Variants in ALMS1 observed in about 807,000 individuals in gnomAD.
ALMS1 encodes centrosome-associated protein ALMS1.
ALMS1 carries 271 observed loss-of-function variants against 352.2 expected under a neutral mutation model. That is an observed-to-expected ratio of 0.77 (90% confidence interval 0.70 to 0.85). ALMS1 has a LOEUF of 0.85. Ranked by LOEUF, ALMS1 falls within the 40% of genes least tolerant of loss-of-function variation. The pLI is 0.00. For missense variants in ALMS1, 5,445 were observed against 4,870.7 expected (o/e 1.12, Z -3.51); for synonymous variants, 1,865 against 1,761.2 (o/e 1.06, Z -1.48).
chr2:73,489,867 C>G lies in ALMS1; in HGVS notation c.7908C>G (p.Asn2636Lys). The change falls in exon 10 of 23, where the codon AAC becomes AAG. Residue 2636 changes from asparagine to lysine, a missense_variant. By Grantham distance (94) the Asn-to-Lys change is moderately conservative. Coordinates refer to ENST00000613296, the MANE Select transcript of ALMS1 (RefSeq NM_001378454.1). ...ACCTTTCTGCATCCTTAGACCAGAA[C>G]AACTCCCATTTCAAAGTTTGGAATT... ...HVNLSASLDQ[N>K]NSHFKVWNSL... is the part of the protein sequence containing the mutation. 6.2e-7 allele frequency: 1 copy of G among 1,614,194 alleles called. No homozygotes were observed.
chr2:73,499,985 C>G (rs1422061030), intron 10 of ALMS1, among the ~76,000 whole-genome samples: 1 of 152,192 alleles, frequency 6.6e-6, no homozygotes, highest in Non-Finnish European at 1.5e-5. Flanking sequence ...TCCCATGCTT[C>G]TTACACAGCC....
At chr2:73,468,740 A>G (rs1287822915) in intron 9 of ALMS1, among the ~76,000 whole-genome samples, 6 of 152,020 alleles carry the variant, frequency 3.9e-5, no homozygotes, top group South Asian at 2.1e-4. Context: ...TGTTGTAGAC[A>G]GTATATAGTT....
In ALMS1 at chr2:73,453,903, G is replaced by C. The variant is rs778055498; in HGVS notation, c.7376G>C (p.Ser2459Thr). 1.1e-5 allele frequency: 18 copies of C among 1,614,074 alleles called. No individual in the cohort carries two copies. The highest frequency in any genetic ancestry group is 4.0e-5 in the African/African-American group (3 of 75,010). The change falls in exon 8 of 23, where the codon AGC becomes ACC. Residue 2459 changes from serine to threonine, a missense_variant. Ser to Thr is a moderately conservative substitution (Grantham distance 58, BLOSUM62 1). Coordinates refer to ENST00000613296, the MANE Select transcript of ALMS1 (RefSeq NM_001378454.1). ...YVSPKTSITD[S>T]REEEGVSESE... Reference sequence around the variant, plus strand: ...TCACCCAAGACAAGTATAACAGATAGCAGGGAGGAAGAGGGTGTGTCAGAG... The same window carrying C: ...TCACCCAAGACAAGTATAACAGATACCAGGGAGGAAGAGGGTGTGTCAGAG...
Position 73,424,648 on chromosome 2 carries a change from A to T in ALMS1, c.983A>T (p.Asp328Val), listed in dbSNP as rs749538170. Residue 328 changes from aspartate (D) to valine (V), a missense_variant, in exon 5 of 23, where the codon GAT becomes GTT. Asp to Val is a radical substitution (Grantham distance 152, BLOSUM62 -3). Coordinates refer to ENST00000613296, the MANE Select transcript of ALMS1 (RefSeq NM_001378454.1). The part of the protein sequence containing the change: ...GNNEETISSV[D>V]ELKIPKDCDR... ...AATGAAGAGACTATTTCGTCTGTTG[A>T]TGAACTGAAAATTCCCAAAGACTGT... 2 of 1,614,046 alleles carry T rather than the reference A, an allele frequency of 1.2e-6. No individual in the cohort carries two copies. The highest frequency in any genetic ancestry group is 1.1e-5 in the South Asian group (1 of 91,074).
chr2:73,547,745 A>G (rs1458841493), intron 12 of ALMS1, among the ~76,000 whole-genome samples: 1 of 152,184 alleles, frequency 6.6e-6, no homozygotes, highest in African/African-American at 2.4e-5. Flanking sequence ...TCTTGCCACT[A>G]TATGGAGAAA....
intron 10 of ALMS1, among the ~76,000 whole-genome samples, chr2:73,504,877 C>T (rs911873193): frequency 6.6e-6 from 1 of 152,068 alleles, no homozygotes; most frequent in Non-Finnish European, 1.5e-5. Context: ...TTATCTCTCC[C>T]CTTGCTTCCT....
chr2:73,586,982 T>G (rs1393732834), intron 16 of ALMS1, among the ~76,000 whole-genome samples: 1 of 151,340 alleles, frequency 6.6e-6, no homozygotes, highest in Non-Finnish European at 1.5e-5. Context: ...GTTAGGTATA[T>G]TCCTAAGGTT....
At chr2:73,578,489 ACC>A (rs1675100074) in intron 16 of ALMS1, among the ~76,000 whole-genome samples, 1 of 151,324 alleles carries the variant, frequency 6.6e-6, no homozygotes, top group Non-Finnish European at 1.5e-5. Context: ...TTTGTAGTGT[ACC>A]AGTTTTATTC....
At chr2:73,503,956 A>G (rs779680444) in intron 10 of ALMS1, among the ~76,000 whole-genome samples, 9 of 152,306 alleles carry the variant, frequency 5.9e-5, no homozygotes, top group South Asian at 2.1e-4. Context: ...TAAACATCTT[A>G]TTCATCAGCA....
At chr2:73,572,221 A>C (rs1674943660) in intron 15 of ALMS1, 41 bp from the exon 16 acceptor site, 1 of 1,535,794 alleles carries the variant, frequency 6.5e-7, no homozygotes, top group Non-Finnish European at 8.9e-7. Flanking sequence ...CAGAATGCTA[A>C]TTTTTTAAGT....
intron 2 of ALMS1, among the ~76,000 whole-genome samples, chr2:73,411,284 C>A (rs944174338): frequency 7.9e-5 from 12 of 151,998 alleles, no homozygotes; most frequent in South Asian, 2.1e-4. Context: ...ATGCCTGGGG[C>A]TTCCAGAAGG....
chr2:73,535,984 C>CA (rs1298813309), intron 12 of ALMS1, among the ~76,000 whole-genome samples: 1 of 152,082 alleles, frequency 6.6e-6, no homozygotes, highest in South Asian at 2.1e-4. Flanking sequence ...TGCACTAAAG[C>CA]CTCTGATACA....
At chr2:73,483,917 A>G (rs1183567309) in intron 9 of ALMS1, among the ~76,000 whole-genome samples, 11 of 145,104 alleles carry the variant, frequency 7.6e-5, no homozygotes, top group African/African-American at 2.1e-4. Context: ...TTTGTTTTCC[A>G]TTTGCTTGGT....
chr2:73,499,078 C>G (rs146429414), intron 10 of ALMS1, among the ~76,000 whole-genome samples: 1 of 152,246 alleles, frequency 6.6e-6, no homozygotes, highest in African/African-American at 2.4e-5. Flanking sequence ...TACAAGGGTT[C>G]CCTTTTCTCC....
intron 2 of ALMS1, among the ~76,000 whole-genome samples, chr2:73,416,331 T>G (rs1671180530): frequency 6.6e-6 from 1 of 152,222 alleles, no homozygotes; most frequent in African/African-American, 2.4e-5. Flanking sequence ...ATTAATTTAT[T>G]CAGTGTAGAA....
chr2:73,415,830 G>A (rs546946229), intron 2 of ALMS1, among the ~76,000 whole-genome samples: 1 of 152,292 alleles, frequency 6.6e-6, no homozygotes, highest in South Asian at 2.1e-4. Flanking sequence ...ACGCAAGAAA[G>A]TTAAGGGTGT....
At chr2:73,563,446 G>A (rs1674707473) in intron 15 of ALMS1, among the ~76,000 whole-genome samples, 1 of 152,168 alleles carries the variant, frequency 6.6e-6, no homozygotes, top group South Asian at 2.1e-4. Context: ...AGGAGGGCAG[G>A]GTGCGGTGGC....
chr2:73,594,964 C>A (rs1265978088), intron 16 of ALMS1, among the ~76,000 whole-genome samples: 2 of 152,220 alleles, frequency 1.3e-5, no homozygotes, highest in East Asian at 3.8e-4. Flanking sequence ...TTGACCAACA[C>A]AACTTACCAC....
chr2:73,390,346 T>C (rs954028171), intron 1 of ALMS1, among the ~76,000 whole-genome samples: 4 of 152,206 alleles, frequency 2.6e-5, no homozygotes, highest in African/African-American at 9.7e-5. Flanking sequence ...ATTTAGAGGA[T>C]GAGATCAAAT....
Sources: allele counts gnomAD v4.1 joint callset (sites outside exome capture counted in the v4.1 genomes callset), GRCh38; gene constraint gnomAD v4.1.1; transcripts MANE v1.5; gene names NCBI Gene and HGNC (gene_info 2026-07-23, HGNC 2026-07-21).